NOP58: variants seen among roughly 807,000 people sequenced by gnomAD.
NOP58 encodes nucleolar protein 58.
A neutral mutation model predicts 71.2 loss-of-function variants in NOP58; 44 were observed. That is an observed-to-expected ratio of 0.62 (90% CI 0.49 to 0.79). The LOEUF is 0.79. Ranked by LOEUF, NOP58 falls within the 30% of genes least tolerant of loss-of-function variation. The pLI, the probability that NOP58 is intolerant of heterozygous loss-of-function variation, is 0.00. For missense variants in NOP58, 538 were observed against 620.2 expected (o/e 0.87, Z 1.41); for synonymous variants, 228 against 200.3 (o/e 1.14, Z -1.17).
intron 1 of NOP58, among the ~76,000 whole-genome samples, chr2:202,268,333 G>C (rs1401998605): frequency 1.3e-5 from 2 of 151,954 alleles, no homozygotes; most frequent in Non-Finnish European, 2.9e-5. Flanking sequence ...AGGAGTTTGA[G>C]ACCAGCCTAA....
At chr2:202,273,176 T>G (rs1281025244) in intron 1 of NOP58, among the ~76,000 whole-genome samples, 1 of 152,108 alleles carries the variant, frequency 6.6e-6, no homozygotes, top group African/African-American at 2.4e-5. Context: ...AAAACTGAAG[T>G]TAAAATAACA....
chr2:202,287,156 G>A (rs1688801458), intron 5 of NOP58, among the ~76,000 whole-genome samples: 1 of 141,788 alleles, frequency 7.1e-6, no homozygotes, highest in Non-Finnish European at 1.5e-5. Flanking sequence ...TGCAACCTCT[G>A]CCTCCCCGGT....
chr2:202,287,855 T>TGTGGTGGCTC (rs1256297409), intron 6 of NOP58, 131 bp downstream of exon 6: 6 of 676,856 alleles, frequency 8.9e-6, no homozygotes, highest in African/African-American at 5.5e-5. Context: ...CTCAAGCCTT[T>TGTGGTGGCTC]AATCCCAGCA....
At position 202,297,843 on chromosome 2, in the gene NOP58, A is replaced by G. The variant is rs1689018939; in HGVS notation, c.1207-2A>G. 10 of 1,537,076 alleles carry G rather than the reference A, an allele frequency of 6.5e-6. No individual in the cohort carries two copies. Among genetic ancestry groups the G allele is most frequent in the Non-Finnish European group, 8.9e-6 (10 of 1,125,968 alleles). On this transcript the variant is annotated splice_acceptor_variant, in intron 11 of 14. Coordinates refer to ENST00000264279, the MANE Select transcript of NOP58 (RefSeq NM_015934.5). LOFTEE classifies it high-confidence loss of function. ...ATTTGTAATTTTTCGTTTTCTTCTTAGATAAGAAAAATAAGTGGAACAGGA... is the reference window on the plus strand; with the variant it reads ...ATTTGTAATTTTTCGTTTTCTTCTTGGATAAGAAAAATAAGTGGAACAGGA...
At chr2:202,273,825 C>T (rs1442300006) in intron 1 of NOP58, among the ~76,000 whole-genome samples, 1 of 152,018 alleles carries the variant, frequency 6.6e-6, no homozygotes, top group Non-Finnish European at 1.5e-5. Flanking sequence ...TGCCTGTAAT[C>T]CCAGCTATTC....
intron 8 of NOP58, among the ~76,000 whole-genome samples, chr2:202,292,150 T>A (rs896454832): frequency 6.6e-6 from 1 of 150,564 alleles, no homozygotes; most frequent in South Asian, 2.1e-4. Flanking sequence ...CGTGCCACCA[T>A]GCCCAGCTAA....
chr2:202,273,363 A>G (rs1688540819), intron 1 of NOP58, among the ~76,000 whole-genome samples: 1 of 152,226 alleles, frequency 6.6e-6, no homozygotes, highest in Admixed American at 6.5e-5. Flanking sequence ...AGATATTGCT[A>G]CATTTTCTGT....
At chr2:202,272,129 G>C (rs1251545237) in intron 1 of NOP58, among the ~76,000 whole-genome samples, 2 of 151,078 alleles carry the variant, frequency 1.3e-5, no homozygotes, top group East Asian at 3.9e-4. Context: ...GATGATTTTA[G>C]GGGTTTGTTC....
chr2:202,287,613 T>C, intron 5 of NOP58, 47 bp from the exon 6 acceptor site: 1 of 1,455,002 alleles, frequency 6.9e-7, no homozygotes, highest in Non-Finnish European at 9.6e-7. Context: ...ATTTAAATGC[T>C]TTTCCTAGAT....
intron 7 of NOP58, 35 bp from the exon 8 acceptor site, chr2:202,291,090 G>A (rs375448530): frequency 7.0e-5 from 107 of 1,522,384 alleles, no homozygotes; most frequent in Middle Eastern, 1.8e-4. Context: ...TTGTTGAAGA[G>A]TGATTCTCCC....
intron 1 of NOP58, among the ~76,000 whole-genome samples, chr2:202,268,387 T>C (rs541897022): frequency 6.9e-4 from 104 of 151,434 alleles, no homozygotes; most frequent in African/African-American, 2.1e-3. Context: ...ATAGAAAAAT[T>C]AGCTGGGCGT....
At chr2:202,274,189 T>A (rs1390341042) in intron 1 of NOP58, among the ~76,000 whole-genome samples, 1 of 152,118 alleles carries the variant, frequency 6.6e-6, no homozygotes, top group Non-Finnish European at 1.5e-5. Flanking sequence ...AAATAACGAA[T>A]ATAATCTATT....
intron 12 of NOP58, among the ~76,000 whole-genome samples, chr2:202,299,601 G>C (rs563163057): frequency 1.4e-4 from 21 of 152,072 alleles, no homozygotes; most frequent in Non-Finnish European, 2.5e-4. Context: ...AGCTTGTTTT[G>C]AACCAATTTT....
rs772557424 is a variant in NOP58 at position 202,284,784 on chromosome 2, C to T, written c.434+303C>T. 5 of 262,146 alleles carry T rather than the reference C, an allele frequency of 1.9e-5. No individual in the cohort carries two copies. In the East Asian group the frequency reaches 3.1e-4, roughly 17 times the overall value. The allele number at this position is 262,146 out of a possible 1,614,324, so 16.2% of individuals were successfully genotyped here. A position where few individuals can be genotyped will look rare whatever the true frequency, so the allele number is the denominator to read the frequency against. On this transcript the variant is annotated intron_variant, in intron 5 of 14. Coordinates refer to ENST00000264279, the MANE Select transcript of NOP58 (RefSeq NM_015934.5). ...GGATGCCCTGTTTCTTGGGCTTTCC[C>T]TCCTTTATCTCTGCTAAGTCATGCC...
intron 6 of NOP58, among the ~76,000 whole-genome samples, chr2:202,288,809 C>A (rs1333901632): frequency 1.3e-5 from 2 of 151,076 alleles, no homozygotes; most frequent in Non-Finnish European, 3.0e-5. Context: ...GAGCAACACT[C>A]CGTCTCAAAA....
At chr2:202,285,922 C>T (rs979676865) in intron 5 of NOP58, among the ~76,000 whole-genome samples, 5 of 152,076 alleles carry the variant, frequency 3.3e-5, no homozygotes, top group Admixed American at 1.3e-4. Flanking sequence ...AGGCTGGGCA[C>T]GGTGGCTCAC....
At position 202,265,787 on chromosome 2, in the gene NOP58, T is replaced by C. The variant is rs2105832468; in HGVS notation, c.-155T>C. The C allele has an allele frequency of 2.7e-6, 2 of 751,848 alleles. No individual in the cohort carries two copies. The highest frequency in any genetic ancestry group is 4.5e-6 in the Non-Finnish European group (2 of 440,466). The allele number at this position is 751,848 out of a possible 1,614,324, so 46.6% of individuals were successfully genotyped here. On this transcript the variant is annotated 5_prime_UTR_variant, in exon 1 of 15. Coordinates refer to ENST00000264279, the MANE Select transcript of NOP58 (RefSeq NM_015934.5). ...CCTAGTTCCAGTACAGCGTGGAGGG[T>C]TTAGGCAGCGTGTTCTGATTCTTTG... is the stretch of plus-strand genomic sequence containing the variant.
chr2:202,281,758 G>A (rs1688709575), intron 3 of NOP58, among the ~76,000 whole-genome samples: 1 of 152,194 alleles, frequency 6.6e-6, no homozygotes, highest in South Asian at 2.1e-4. Flanking sequence ...TCCAGAAAAA[G>A]GGAATATAGG....
At chr2:202,288,462 A>G (rs1046277288) in intron 6 of NOP58, among the ~76,000 whole-genome samples, 24 of 150,828 alleles carry the variant, frequency 1.6e-4, no homozygotes, top group Non-Finnish European at 3.2e-4. Context: ...AGCCTGGGCA[A>G]CAAGAGCAAA....
Sources: allele counts gnomAD v4.1 joint callset (sites outside exome capture counted in the v4.1 genomes callset), GRCh38; gene constraint gnomAD v4.1.1; transcripts MANE v1.5; gene names NCBI Gene and HGNC (gene_info 2026-07-23, HGNC 2026-07-21).